Variants in EXOC6B observed in about 807,000 individuals in gnomAD.
The protein encoded by EXOC6B is SEC15 homolog B.
In EXOC6B, 54 loss-of-function variants were observed where a neutral mutation model predicts 113.5. The ratio of observed to expected loss-of-function variants is 0.48; its 90% CI spans 0.38 to 0.60. EXOC6B has a LOEUF of 0.60. Ranked by LOEUF, EXOC6B falls within the 20% of genes least tolerant of loss-of-function variation. The pLI is 0.00. For synonymous variants in EXOC6B, 357 were observed against 339.0 expected (o/e 1.05, Z -0.58); for missense variants, 797 against 977.5 (o/e 0.82, Z 2.46).
At chr2:72,302,743 G>A (rs1046071703) in intron 20 of EXOC6B, among the ~76,000 whole-genome samples, 1 of 152,000 alleles carries the variant, frequency 6.6e-6, no homozygotes, top group Non-Finnish European at 1.5e-5. Flanking sequence ...TGGGTCTTAG[G>A]TAGACAGCAT....
chr2:72,514,576 CAATA>C (rs59422959), intron 10 of EXOC6B, 54 bp downstream of exon 10: 15,844 of 220,892 alleles, frequency 0.072, 2,071 homozygotes, highest in African/African-American at 0.31. Flanking sequence ...GTATAAATTT[CAATA>C]AATAAATAAA....
intron 20 of EXOC6B, among the ~76,000 whole-genome samples, chr2:72,226,863 T>C (rs947373224): frequency 6.6e-6 from 1 of 152,200 alleles, no homozygotes; most frequent in Admixed American, 6.5e-5. Context: ...TTGACATCTC[T>C]GTCAGTCAAT....
chr2:72,388,353 T>C (rs1313605936), intron 18 of EXOC6B, among the ~76,000 whole-genome samples: 1 of 152,208 alleles, frequency 6.6e-6, no homozygotes, highest in Non-Finnish European at 1.5e-5. Flanking sequence ...TTTGGTGATA[T>C]TTTTGGAATA....
intron 18 of EXOC6B, among the ~76,000 whole-genome samples, chr2:72,385,459 T>C (rs1250967496): frequency 6.6e-6 from 1 of 151,712 alleles, no homozygotes; most frequent in African/African-American, 2.4e-5. Context: ...ACAATGACTT[T>C]TTTTTTTGTA....
intron 16 of EXOC6B, among the ~76,000 whole-genome samples, chr2:72,481,020 T>C (rs549044901): frequency 2.0e-5 from 3 of 152,298 alleles, no homozygotes; most frequent in Admixed American, 6.5e-5. Context: ...GTGGAGGTAA[T>C]TGAATCATGG....
At chr2:72,388,600 A>T (rs942322701) in intron 18 of EXOC6B, among the ~76,000 whole-genome samples, 2 of 152,148 alleles carry the variant, frequency 1.3e-5, no homozygotes, top group African/African-American at 2.4e-5. Flanking sequence ...CTATAGCTTT[A>T]CTGATACCCT....
At chr2:72,497,546 A>G (rs1270661728) in intron 13 of EXOC6B, among the ~76,000 whole-genome samples, 3 of 152,172 alleles carry the variant, frequency 2.0e-5, no homozygotes, top group Admixed American at 6.5e-5. Flanking sequence ...TTAATTTTCA[A>G]ATATCCTATA....
intron 6 of EXOC6B, among the ~76,000 whole-genome samples, chr2:72,688,763 T>C (rs1573626283): frequency 1.3e-5 from 2 of 152,250 alleles, no homozygotes; most frequent in Admixed American, 1.3e-4. Flanking sequence ...TCTTATTCAA[T>C]GTAAAAATCA....
intron 7 of EXOC6B, among the ~76,000 whole-genome samples, chr2:72,566,786 T>G (rs1374106589): frequency 1.3e-5 from 2 of 152,018 alleles, no homozygotes; most frequent in Non-Finnish European, 1.5e-5. Context: ...TGTCCATGTA[T>G]AGATTAGCTG....
intron 6 of EXOC6B, among the ~76,000 whole-genome samples, chr2:72,694,182 T>G (rs1677698991): frequency 6.6e-6 from 1 of 152,098 alleles, no homozygotes; most frequent in Non-Finnish European, 1.5e-5. Flanking sequence ...TAGCTCACAC[T>G]TGTAATCCCA....
chr2:72,411,653 G>A (rs560071143), intron 18 of EXOC6B, among the ~76,000 whole-genome samples: 1 of 152,306 alleles, frequency 6.6e-6, no homozygotes, highest in South Asian at 2.1e-4. Flanking sequence ...CATGTAGTAT[G>A]TGAATGCCTA....
chr2:72,541,374 C>T (rs1352008627), intron 8 of EXOC6B, among the ~76,000 whole-genome samples: 1 of 152,110 alleles, frequency 6.6e-6, no homozygotes. Context: ...TTCCTTTCTT[C>T]CTCCCCTTAT....
chr2:72,605,076 A>G (rs1670666545), intron 6 of EXOC6B, among the ~76,000 whole-genome samples: 2 of 152,008 alleles, frequency 1.3e-5, no homozygotes. Context: ...TGAGGTCGGG[A>G]GTTCAAGATC....
chr2:72,557,607 TG>T (rs1703637479), intron 8 of EXOC6B, among the ~76,000 whole-genome samples: 1 of 152,020 alleles, frequency 6.6e-6, no homozygotes, highest in South Asian at 2.1e-4. Flanking sequence ...CAAGAACTTA[TG>T]AACACAAAGA....
chr2:72,336,027 C>A (rs1470826373), intron 19 of EXOC6B, among the ~76,000 whole-genome samples: 2 of 152,138 alleles, frequency 1.3e-5, no homozygotes, highest in Admixed American at 1.3e-4. Flanking sequence ...TATACACACA[C>A]ACATACACAC....
Position 72,779,297 on chromosome 2 carries a change from T to A in EXOC6B, c.114-37828A>T, listed in dbSNP as rs542485479. On this transcript the variant is annotated intron_variant, in intron 1 of 21. Transcript: ENST00000272427. Reference sequence around the variant, plus strand: ...TCTATCTGCCACTGTATTATAAGCATATATATATTATATTATATAAATGTA... The same window carrying A: ...TCTATCTGCCACTGTATTATAAGCAAATATATATTATATTATATAAATGTA... Among the ~76,000 whole-genome samples the A allele has an allele frequency of 5.9e-5, 9 of 151,496 alleles. No individual in the cohort carries two copies. The South Asian group carries it at 1.9e-3, about 32-fold the overall frequency.
At chr2:72,594,118 C>G (rs1422226917) in intron 6 of EXOC6B, among the ~76,000 whole-genome samples, 3 of 152,066 alleles carry the variant, frequency 2.0e-5, no homozygotes, top group Non-Finnish European at 4.4e-5. Flanking sequence ...ATAGTTGGGA[C>G]CACAGGGGCA....
intron 18 of EXOC6B, among the ~76,000 whole-genome samples, chr2:72,430,326 G>GTAA (rs1376769772): frequency 6.6e-6 from 1 of 152,178 alleles, no homozygotes; most frequent in Non-Finnish European, 1.5e-5. Flanking sequence ...GTAAAAAGAT[G>GTAA]TAACTGTAAA....
At chr2:72,787,201 T>TTTTGTA (rs879366412) in intron 1 of EXOC6B, among the ~76,000 whole-genome samples, 4 of 151,980 alleles carry the variant, frequency 2.6e-5, no homozygotes, top group Non-Finnish European at 5.9e-5. Flanking sequence ...TTTTATTTAT[T>TTTTGTA]TTTTTATTTT....
Sources: allele counts gnomAD v4.1 joint callset (sites outside exome capture counted in the v4.1 genomes callset), GRCh38; gene constraint gnomAD v4.1.1; transcripts MANE v1.5; gene names NCBI Gene and HGNC (gene_info 2026-07-23, HGNC 2026-07-21).